The following SMARCC2 variants were observed in gnomAD, a reference collection of about 807,000 sequenced individuals.
SMARCC2 encodes the protein SWI/SNF complex subunit SMARCC2.
A neutral mutation model predicts 151.3 loss-of-function variants in SMARCC2; 15 were observed. That is an observed-to-expected ratio of 0.10 (90% CI 0.07 to 0.15). SMARCC2 has a LOEUF of 0.15. Among genes scored for constraint, SMARCC2 ranks in the 10% least tolerant of loss-of-function variants. SMARCC2 has a pLI of 1.00. For synonymous variants in SMARCC2, 590 were observed against 609.5 expected (o/e 0.97, Z 0.47); for missense variants, 1,031 against 1,599.7 (o/e 0.64, Z 6.06).
At chr12:56,170,410 T>C (rs1288798130) in intron 22 of SMARCC2, among the ~76,000 whole-genome samples, 2 of 151,948 alleles carry the variant, frequency 1.3e-5, no homozygotes, top group Non-Finnish European at 2.9e-5. Context: ...AGCTTCTCCA[T>C]AACACCTGTT....
intron 1 of SMARCC2, among the ~76,000 whole-genome samples, chr12:56,188,118 G>A (rs1355939229): frequency 6.6e-6 from 1 of 152,174 alleles, no homozygotes; most frequent in Non-Finnish European, 1.5e-5. Context: ...TCTGTGAAGG[G>A]AAAGGTAAAT....
At chr12:56,170,445 G>A (rs1592286403) in intron 22 of SMARCC2, among the ~76,000 whole-genome samples, 1 of 151,328 alleles carries the variant, frequency 6.6e-6, no homozygotes, top group East Asian at 1.9e-4. Flanking sequence ...GTTTTTTTGT[G>A]ACAGGGTCTC....
At chr12:56,179,399 T>G (rs1875673248) in intron 11 of SMARCC2, among the ~76,000 whole-genome samples, 1 of 152,202 alleles carries the variant, frequency 6.6e-6, no homozygotes, top group African/African-American at 2.4e-5. Context: ...TAAACATTTT[T>G]GAAAGCAGAG....
intron 15 of SMARCC2, among the ~76,000 whole-genome samples, chr12:56,175,453 T>A (rs1874759174): frequency 6.6e-6 from 1 of 152,234 alleles, no homozygotes; most frequent in South Asian, 2.1e-4. Context: ...GTTGAAAAGA[T>A]CTAAGTTCAA....
chr12:56,168,341 G>A (rs982769104), intron 25 of SMARCC2, 147 bp from the exon 26 acceptor site: 1 of 827,302 alleles, frequency 1.2e-6, no homozygotes, highest in African/African-American at 1.7e-5. Flanking sequence ...TTTTTGTGCT[G>A]GGATTATAGG....
intron 11 of SMARCC2, among the ~76,000 whole-genome samples, 155 bp from the exon 12 acceptor site, chr12:56,179,211 ACTT>A (rs1408241904): frequency 2.0e-5 from 3 of 152,160 alleles, no homozygotes; most frequent in African/African-American, 4.8e-5. Context: ...AGGGCTTCAA[ACTT>A]CTTGCTACTT....
intron 28 of SMARCC2, 39 bp from the exon 29 acceptor site, chr12:56,163,804 G>T: frequency 1.5e-6 from 2 of 1,371,214 alleles, no homozygotes; most frequent in Non-Finnish European, 9.8e-7. Flanking sequence ...AGAGTACGCC[G>T]GAGAGATGGC....
At chr12:56,164,796 C>A in intron 27 of SMARCC2, 65 bp from the exon 28 acceptor site, 2 of 1,329,648 alleles carry the variant, frequency 1.5e-6, no homozygotes, top group Non-Finnish European at 1.0e-6. Context: ...CTCACCTTTT[C>A]TATTTTTTTT....
At position 56,171,487 on chromosome 12, in the gene SMARCC2, A is replaced by G; in HGVS notation, c.2186-55T>C. The stretch of plus-strand genomic sequence containing the variant: ...AGCGGCACAGTGGAACAGTTCTGGC[A>G]ATCCCTGCAAAAGCTTACTCACAAG... On this transcript the variant is annotated intron_variant, in intron 21 of 28. Transcript: ENST00000550164. The surrounding 1 kb of genome is among the most constrained non-coding windows in gnomAD (Gnocchi z 4.2). The G allele has an allele frequency of 1.6e-5, 26 of 1,606,344 alleles. No individual in the cohort carries two copies. Among genetic ancestry groups the G allele is most frequent in the Non-Finnish European group, 2.2e-5 (26 of 1,173,566 alleles).
At chr12:56,163,817 C>A in intron 28 of SMARCC2, 52 bp from the exon 29 acceptor site, 1 of 1,200,402 alleles carries the variant, frequency 8.3e-7, no homozygotes, top group East Asian at 3.0e-5. Flanking sequence ...GAGATGGCTC[C>A]AGACCCAGAC....
intron 2 of SMARCC2, 32 bp downstream of exon 2, chr12:56,187,155 C>G (rs990221504): frequency 2.9e-5 from 45 of 1,576,196 alleles, no homozygotes; most frequent in Non-Finnish European, 3.6e-5. Context: ...ACCACCACCA[C>G]CCCCCACCCT....
intron 16 of SMARCC2, 122 bp downstream of exon 16, chr12:56,174,529 C>A: frequency 1.5e-6 from 1 of 670,352 alleles, no homozygotes; most frequent in East Asian, 2.6e-5. Flanking sequence ...CTTCACCTTT[C>A]TCTAGAGGTG....
At chr12:56,164,172 C>CT in intron 28 of SMARCC2, 131 bp downstream of exon 28, 1 of 842,776 alleles carries the variant, frequency 1.2e-6, no homozygotes, top group South Asian at 1.8e-5. Context: ...CTCCTGTATT[C>CT]TAATTTTACC....
chr12:56,173,682 G>C lies in SMARCC2; in HGVS notation c.1650+14C>G. The C allele has an allele frequency of 6.4e-7, 1 of 1,571,464 alleles. No individual in the cohort carries two copies. The highest frequency in any genetic ancestry group is 8.7e-7 in the Non-Finnish European group (1 of 1,144,496). On this transcript the variant is annotated intron_variant, in intron 17 of 28. Transcript: ENST00000550164. Reference sequence around the variant, plus strand: ...CTTCCCAACCCGCCCCATCCCCATAGCACCTCACCCTACCTGAGGTGTCTT... The same window carrying C: ...CTTCCCAACCCGCCCCATCCCCATACCACCTCACCCTACCTGAGGTGTCTT...
chr12:56,165,726 T>C lies in SMARCC2; in HGVS notation c.2851-27A>G. 1.9e-6 allele frequency: 3 copies of C among 1,601,882 alleles called. No individual in the cohort carries two copies. In the South Asian group the frequency reaches 3.3e-5, roughly 18 times the overall value. On this transcript the variant is annotated intron_variant, in intron 26 of 28. Transcript: ENST00000550164. ...TGCCAGTGCCAATTGAGTATTGTTA[T>C]CCAATTTTCAGCAGATCCCAAAGGC...
intron 11 of SMARCC2, among the ~76,000 whole-genome samples, chr12:56,179,529 C>A (rs978712051): frequency 3.3e-5 from 5 of 152,026 alleles, no homozygotes; most frequent in Non-Finnish European, 2.9e-5. Flanking sequence ...CTAATCCTAC[C>A]CCTGAAATAC....
intron 2 of SMARCC2, chr12:56,186,568 T>A: frequency 3.4e-6 from 1 of 290,546 alleles, no homozygotes; most frequent in South Asian, 3.3e-5. Context: ...CAGGCTGGTC[T>A]CCAACTCCAG....
chr12:56,178,748 G>T lies in SMARCC2; in HGVS notation c.1179+62C>A, dbSNP rs901454178. On this transcript the variant is annotated intron_variant, in intron 13 of 28. Transcript: ENST00000550164. ...GGGCAGTGAAAAGTTTGGGCAGAAT[G>T]AACTTTATAATCACAAATCAGAATC... is the stretch of plus-strand genomic sequence containing the variant. 11 of 1,558,028 alleles carry T rather than the reference G, an allele frequency of 7.1e-6. No homozygotes were observed. In the South Asian group the frequency reaches 1.0e-4, roughly 14 times the overall value.
intron 15 of SMARCC2, among the ~76,000 whole-genome samples, chr12:56,176,764 C>T (rs1875071458): frequency 6.6e-6 from 1 of 152,190 alleles, no homozygotes; most frequent in Non-Finnish European, 1.5e-5. Flanking sequence ...CCTCAGCCTC[C>T]AGACTAGCTG....
Sources: gnomAD v4.1 joint callset for allele counts (sites outside exome capture counted in the v4.1 genomes callset) on GRCh38, gnomAD v4.1.1 for gene constraint, Gnocchi (gnomAD v3.1) non-coding constraint, MANE v1.5 for transcripts, NCBI Gene and HGNC (gene_info 2026-07-23, HGNC 2026-07-21) for gene names.